The following LRRC37A2 variants were observed in gnomAD, a reference collection of about 807,000 sequenced individuals.
LRRC37A2 encodes the protein leucine rich repeat containing 37 member A2.
In LRRC37A2, 9 loss-of-function variants were observed where a neutral mutation model predicts 68.8. The ratio of observed to expected loss-of-function variants is 0.13; its 90% CI spans 0.08 to 0.23. LRRC37A2 has a LOEUF of 0.23. Among genes scored for constraint, LRRC37A2 ranks in the 10% least tolerant of loss-of-function variants. The pLI is 1.00. For synonymous variants in LRRC37A2, 63 were observed against 367.6 expected (o/e 0.17, Z 9.48); for missense variants, 168 against 950.4 (o/e 0.18, Z 10.82).
the LRRC37A2 span, chr17:47,018,561 G>T: frequency 3.3e-6 from 5 of 1,520,206 alleles, no homozygotes; most frequent in African/African-American, 5.5e-5. Context: ...CATCCAGCAC[G>T]GGGGCCCACA....
the LRRC37A2 span, among the ~76,000 whole-genome samples, chr17:46,962,867 A>G: frequency 1.3e-5 from 2 of 152,210 alleles, no homozygotes; most frequent in African/African-American, 4.8e-5. Flanking sequence ...AGATAACCAA[A>G]AGAATCTCTT....
the LRRC37A2 span, chr17:46,939,126 C>A: frequency 8.7e-7 from 1 of 1,148,948 alleles, no homozygotes; most frequent in African/African-American, 1.6e-5. Context: ...CCACACGGTT[C>A]ACACCTTGTC....
the LRRC37A2 span, among the ~76,000 whole-genome samples, chr17:46,835,893 G>A: frequency 6.6e-6 from 1 of 152,242 alleles, no homozygotes; most frequent in Admixed American, 6.5e-5. Flanking sequence ...GAAGAGTGGA[G>A]ACAGGAGACC....
chr17:46,545,078 C>T (rs2056074942), intron 8 of LRRC37A2, among the ~76,000 whole-genome samples: 2 of 135,610 alleles, frequency 1.5e-5, no homozygotes, highest in African/African-American at 5.9e-5. Flanking sequence ...CTCGTAACCG[C>T]AGATGGCCTG....
At chr17:46,704,003 C>T in the LRRC37A2 span, among the ~76,000 whole-genome samples, 1 of 150,578 alleles carries the variant, frequency 6.6e-6, no homozygotes, top group Non-Finnish European at 1.5e-5. Context: ...CCTCAAGGTT[C>T]GTCATGTTGC....
chr17:46,915,398 C>A, the LRRC37A2 span, among the ~76,000 whole-genome samples: 1 of 152,186 alleles, frequency 6.6e-6, no homozygotes, highest in Non-Finnish European at 1.5e-5. Context: ...AGCTGCAGGG[C>A]TTCTTATAAC....
chr17:46,760,654 A>G, the LRRC37A2 span, among the ~76,000 whole-genome samples: 1 of 146,724 alleles, frequency 6.8e-6, no homozygotes, highest in Non-Finnish European at 1.5e-5. Context: ...AAAAAAAGAA[A>G]AAAAAAGGAA....
the LRRC37A2 span, among the ~76,000 whole-genome samples, chr17:46,803,453 G>A: frequency 6.6e-6 from 1 of 152,198 alleles, no homozygotes; most frequent in Non-Finnish European, 1.5e-5. Context: ...AGAATCGCTT[G>A]AACCTGGGAG....
chr17:46,716,438 T>G, the LRRC37A2 span, among the ~76,000 whole-genome samples: 1 of 152,054 alleles, frequency 6.6e-6, no homozygotes, highest in South Asian at 2.1e-4. Flanking sequence ...TTTGTATTTT[T>G]AGTAGAGATG....
chr17:46,883,438 C>A, the LRRC37A2 span, among the ~76,000 whole-genome samples: 12 of 151,856 alleles, frequency 7.9e-5, no homozygotes, highest in East Asian at 2.3e-3. Flanking sequence ...GCGCCTACCC[C>A]ACGCCCGGCC....
the LRRC37A2 span, among the ~76,000 whole-genome samples, chr17:46,970,593 G>A: frequency 6.8e-6 from 1 of 147,534 alleles, no homozygotes; most frequent in Non-Finnish European, 1.5e-5. Context: ...GCTGCAACAT[G>A]AGGACTCCAG....
At chr17:46,766,230 G>A in the LRRC37A2 span, among the ~76,000 whole-genome samples, 8 of 152,084 alleles carry the variant, frequency 5.3e-5, no homozygotes, top group South Asian at 1.0e-3. Context: ...CCAGCATGGC[G>A]AAACCCGTCT....
chr17:47,036,579 C>T, the LRRC37A2 span, among the ~76,000 whole-genome samples: 5 of 150,854 alleles, frequency 3.3e-5, no homozygotes, highest in African/African-American at 9.8e-5. Context: ...TGTTCCAGCA[C>T]CATTTAAAAA....
exon 10 of LRRC37A2, chr17:46,549,228 A>G (rs1330918239): frequency 6.2e-7 from 1 of 1,611,354 alleles, no homozygotes; most frequent in Admixed American, 1.7e-5. Context: ...CATCCTTAGG[A>G]GACCTGAGTC....
At chr17:46,859,992 A>G in the LRRC37A2 span, among the ~76,000 whole-genome samples, 1 of 152,148 alleles carries the variant, frequency 6.6e-6, no homozygotes, top group Non-Finnish European at 1.5e-5. Flanking sequence ...TAGAAATTGA[A>G]TTGGGGCCTG....
the LRRC37A2 span, chr17:46,963,683 G>A: frequency 6.6e-6 from 1 of 152,224 alleles, no homozygotes; most frequent in African/African-American, 2.4e-5. Context: ...CTCACTGCCT[G>A]TCTTTTCTTC....
the LRRC37A2 span, among the ~76,000 whole-genome samples, chr17:46,943,127 G>T: frequency 6.6e-6 from 1 of 152,192 alleles, no homozygotes; most frequent in African/African-American, 2.4e-5. Context: ...TCTAATACAA[G>T]AACATCAACC....
chr17:46,936,183 G>T, the LRRC37A2 span: 1 of 985,420 alleles, frequency 1.0e-6, no homozygotes, highest in Non-Finnish European at 1.2e-6. Context: ...AGAGCCACCT[G>T]CAGTGACCTG....
At chr17:46,839,922 TTCTTTCTTTCTTTCTTTC>T in the LRRC37A2 span, among the ~76,000 whole-genome samples, 2 of 103,308 alleles carry the variant, frequency 1.9e-5, no homozygotes, top group East Asian at 5.3e-4. Context: ...TTTTCTTTCT[TTCTTTCTTTCTTTCTTTC>T]TTTCTTTCTT....
Sources: gnomAD v4.1 joint callset for allele counts (sites outside exome capture counted in the v4.1 genomes callset) on GRCh38, gnomAD v4.1.1 for gene constraint, MANE v1.5 for transcripts, NCBI Gene and HGNC (gene_info 2026-07-23, HGNC 2026-07-21) for gene names.